Variants in ACSL1 observed in about 807,000 individuals in gnomAD.
ACSL1 encodes long-chain-fatty-acid--CoA ligase 1.
ACSL1 carries 41 observed loss-of-function variants against 98.4 expected under a neutral mutation model. The observed-to-expected ratio is 0.42, with a 90% CI of 0.32 to 0.54. ACSL1 has a LOEUF of 0.54. Ranked by LOEUF, ACSL1 falls within the 20% of genes least tolerant of loss-of-function variation. The pLI is 0.13. For synonymous variants in ACSL1, 316 were observed against 322.7 expected (o/e 0.98, Z 0.22); for missense variants, 734 against 883.1 (o/e 0.83, Z 2.14).
intron 2 of ACSL1, among the ~76,000 whole-genome samples, chr4:184,794,909 G>C (rs1356515274): frequency 7.4e-6 from 1 of 135,090 alleles, no homozygotes; most frequent in East Asian, 2.1e-4. Context: ...CAACTTCCCG[G>C]CTCCCCACTA....
intron 1 of ACSL1, among the ~76,000 whole-genome samples, chr4:184,809,516 G>C (rs951254613): frequency 6.6e-6 from 1 of 152,142 alleles, no homozygotes; most frequent in African/African-American, 2.4e-5. Context: ...CATTAGGCCG[G>C]GCGCGGTGGC....
chr4:184,760,468 C>T lies in ACSL1; in HGVS notation c.1671G>A (p.Lys557=), dbSNP rs1403408382. The T allele has an allele frequency of 6.2e-7, 1 of 1,614,066 alleles. No individual in the cohort carries two copies. The highest frequency in any genetic ancestry group is 1.1e-5 in the South Asian group (1 of 91,068). The change falls in exon 18 of 21, where the codon AAG becomes AAA. Residue 557 remains lysine (K), a synonymous_variant. Transcript: ENST00000281455. ...CTCCTTGTGCCAGCTTAAATATGTG[C>T]TTTTTCCGGTCGATAATTTTCAAGG... ...NGTLKIIDRK[K]HIFKLAQGEY...
chr4:184,804,308 GGTGGCTCATGCCT>G (rs1289776451), intron 1 of ACSL1, among the ~76,000 whole-genome samples: 22 of 152,312 alleles, frequency 1.4e-4, no homozygotes, highest in Non-Finnish European at 2.4e-4. Context: ...AGCCGGACGC[GGTGGCTCATGCCT>G]GTAATCCCAG....
chr4:184,768,423 T>G lies in ACSL1; in HGVS notation c.1021A>C (p.Ile341Leu). The G allele has an allele frequency of 6.2e-7, 1 of 1,613,782 alleles. No individual in the cohort carries two copies. The highest frequency in any genetic ancestry group is 8.5e-7 in the Non-Finnish European group (1 of 1,179,912). Residue 341 changes from isoleucine (I) to leucine (L), a missense_variant, in exon 12 of 21, where the codon ATC (isoleucine) becomes CTC (leucine). By Grantham distance (5) the Ile-to-Leu change is conservative. Transcript: ENST00000281455. ...CTGATATCTCCTTGGAAAAATCCGA[T>G]TTTAGCTCCATGACACAGCATTACA... ...ECVMLCHGAKIGFFQGDIRLL... is the reference protein window; with the variant it reads ...ECVMLCHGAKLGFFQGDIRLL...
intron 1 of ACSL1, among the ~76,000 whole-genome samples, chr4:184,821,685 T>TAA (rs1773080725): frequency 6.6e-6 from 1 of 152,242 alleles, no homozygotes; most frequent in African/African-American, 2.4e-5. Context: ...TAAACTGTTC[T>TAA]GAAAAATATC....
chr4:184,808,453 A>T (rs1302692541), intron 1 of ACSL1: 1 of 985,302 alleles, frequency 1.0e-6, no homozygotes. Context: ...CACATAAATG[A>T]CACCCTTGCC....
intron 4 of ACSL1, among the ~76,000 whole-genome samples, chr4:184,782,277 A>AAAC (rs1766423380): frequency 6.6e-6 from 1 of 150,688 alleles, no homozygotes; most frequent in African/African-American, 2.4e-5. Context: ...AAAAAAAAAA[A>AAAC]CAACCCTTTA....
At chr4:184,777,338 G>A (rs1236566882) in intron 5 of ACSL1, among the ~76,000 whole-genome samples, 3 of 152,156 alleles carry the variant, frequency 2.0e-5, no homozygotes, top group African/African-American at 7.2e-5. Context: ...CACACACCAT[G>A]TCGCAGCTAC....
Position 184,803,271 on chromosome 4 carries a change from TG to T in ACSL1, c.195+48del. On this transcript the variant is annotated intron_variant, in intron 2 of 20. Coordinates refer to ENST00000281455, the MANE Select transcript of ACSL1 (RefSeq NM_001995.5). This position sits in a 1 kb window ranked among gnomAD's most constrained non-coding sequence, Gnocchi z 4.8. The stretch of plus-strand genomic sequence containing the variant: ...CACATTCAACAGGGCTCAGCTCATC[TG>T]GGGAAATGCGGAGAAAACGCACGAG... The T allele has an allele frequency of 5.5e-6, 8 of 1,449,776 alleles. No individual in the cohort carries two copies. The highest frequency in any genetic ancestry group is 7.4e-6 in the Non-Finnish European group (8 of 1,083,198). 89.8% of individuals were successfully genotyped at this position (1,449,776 alleles called of 1,614,324 possible). A position where few individuals can be genotyped will look rare whatever the true frequency, so the allele number is the denominator to read the frequency against.
At chr4:184,808,765 T>G (rs1406705583) in intron 1 of ACSL1, among the ~76,000 whole-genome samples, 1 of 152,164 alleles carries the variant, frequency 6.6e-6, no homozygotes, top group Admixed American at 6.5e-5. Flanking sequence ...GCCATTCCCT[T>G]TTGAACCAAA....
chr4:184,764,722 C>A, intron 15 of ACSL1, 131 bp downstream of exon 15: 1 of 795,072 alleles, frequency 1.3e-6, no homozygotes, highest in Non-Finnish European at 2.0e-6. Context: ...CCCCCAGAGC[C>A]TAATGATCAG....
intron 12 of ACSL1, chr4:184,768,022 A>T (rs1763889946): frequency 1.1e-5 from 5 of 467,132 alleles, no homozygotes. Context: ...CGTGTTACAC[A>T]TGAGGAAGCA....
intron 4 of ACSL1, among the ~76,000 whole-genome samples, chr4:184,781,960 T>C (rs565897871): frequency 7.2e-4 from 109 of 152,180 alleles, no homozygotes; most frequent in Non-Finnish European, 1.3e-3. Flanking sequence ...AAGAGTACTC[T>C]TAAAGCACAC....
intron 3 of ACSL1, among the ~76,000 whole-genome samples, chr4:184,784,211 G>A (rs752173894): frequency 6.6e-6 from 1 of 152,146 alleles, no homozygotes; most frequent in Non-Finnish European, 1.5e-5. Flanking sequence ...TGGGGCAGGA[G>A]AGGGGGACAG....
chr4:184,758,937 C>T (rs1354227540), intron 18 of ACSL1: 1 of 129,192 alleles, frequency 7.7e-6, no homozygotes, highest in Non-Finnish European at 1.6e-5. Context: ...GTGTGATGTT[C>T]CCCTTCCTGT....
At chr4:184,809,774 C>T (rs765338866) in intron 1 of ACSL1, among the ~76,000 whole-genome samples, 45 of 152,054 alleles carry the variant, frequency 3.0e-4, no homozygotes, top group Non-Finnish European at 4.7e-4. Flanking sequence ...CCAGCCTGGG[C>T]GACAGAGCGA....
intron 2 of ACSL1, among the ~76,000 whole-genome samples, chr4:184,794,696 A>G (rs1447736861): frequency 1.3e-5 from 2 of 152,190 alleles, no homozygotes; most frequent in African/African-American, 4.8e-5. Flanking sequence ...TGAGACATCC[A>G]GGTACGTCAA....
At chr4:184,783,455 CA>C (rs1262878392) in intron 4 of ACSL1, among the ~76,000 whole-genome samples, 1 of 152,190 alleles carries the variant, frequency 6.6e-6, no homozygotes, top group African/African-American at 2.4e-5. Flanking sequence ...AAAGCCTACA[CA>C]AGAGGCTGCA....
At position 184,803,182 on chromosome 4, in the gene ACSL1, G is replaced by T; in HGVS notation, c.195+138C>A. On this transcript the variant is annotated intron_variant, in intron 2 of 20. Transcript: ENST00000281455. The surrounding 1 kb of genome is among the most constrained non-coding windows in gnomAD (Gnocchi z 4.8). ...CCTGTACCTCTATTTACCACCATCA[G>T]TAATTTGGCACATTTCCATTTACAA... The T allele has an allele frequency of 1.1e-6, 1 of 930,236 alleles. No homozygotes were observed. Among genetic ancestry groups the T allele is most frequent in the Non-Finnish European group, 1.5e-6 (1 of 651,908 alleles). 57.6% of individuals were successfully genotyped at this position (930,236 alleles called of 1,614,324 possible).
Sources: gnomAD v4.1 joint callset for allele counts (sites outside exome capture counted in the v4.1 genomes callset) on GRCh38, gnomAD v4.1.1 for gene constraint, Gnocchi (gnomAD v3.1) non-coding constraint, MANE v1.5 for transcripts, NCBI Gene and HGNC (gene_info 2026-07-23, HGNC 2026-07-21) for gene names.